The following SDK1 variants were observed in gnomAD, a reference collection of about 807,000 sequenced individuals.
SDK1 encodes the protein protein sidekick-1.
Under a neutral mutation model 245.5 loss-of-function variants are expected in SDK1, and 157 were observed. The ratio of observed to expected loss-of-function variants is 0.64; its 90% confidence interval spans 0.56 to 0.73. SDK1 has a LOEUF of 0.73. SDK1 is among the 30% of genes least tolerant of loss of function. SDK1 has a pLI of 0.00. For synonymous variants in SDK1, 1,647 were observed against 1,278.5 expected, an observed-to-expected ratio of 1.29 and a Z score of -6.15; for missense variants, 3,583 against 3,002.3, an observed-to-expected ratio of 1.19 and a Z score of -4.52.
At chr7:4,012,010 A>G in intron 15 of SDK1, 85 bp from the exon 16 acceptor site, 4 of 1,193,654 alleles carry the variant, frequency 3.4e-6, no homozygotes, top group Non-Finnish European at 4.4e-6. Context: ...CAGGCTCAAG[A>G]TTCAGCAAGA....
At chr7:3,663,244 AATG>A (rs1267336496) in intron 4 of SDK1, among the ~76,000 whole-genome samples, 4 of 152,248 alleles carry the variant, frequency 2.6e-5, no homozygotes, top group African/African-American at 9.6e-5. Context: ...TAAGATATAT[AATG>A]ATAATAGTAC....
At chr7:3,318,948 G>A (rs4316064) in intron 1 of SDK1, among the ~76,000 whole-genome samples, 84,382 of 151,900 alleles carry the variant, frequency 0.56, 23,598 homozygotes, top group African/African-American at 0.62. Context: ...CCTGGCAGAC[G>A]GGAATAAATG....
At chr7:3,921,628 C>T (rs531926310) in intron 5 of SDK1, among the ~76,000 whole-genome samples, 4 of 152,178 alleles carry the variant, frequency 2.6e-5, no homozygotes, top group South Asian at 2.1e-4. Flanking sequence ...AATCTAAAGG[C>T]GCCAAGAAGC....
At chr7:3,871,266 T>C (rs888498799) in intron 5 of SDK1, among the ~76,000 whole-genome samples, 2 of 152,226 alleles carry the variant, frequency 1.3e-5, no homozygotes, top group Non-Finnish European at 2.9e-5. Context: ...TATTGACCTT[T>C]TATCTCGCCA....
intron 35 of SDK1, among the ~76,000 whole-genome samples, chr7:4,200,612 C>T (rs1381238777): frequency 6.6e-6 from 1 of 152,166 alleles, no homozygotes; most frequent in African/African-American, 2.4e-5. Flanking sequence ...ACTTGAGTTC[C>T]TTGCCATGAA....
chr7:3,714,851 T>G (rs1395599282), intron 4 of SDK1, among the ~76,000 whole-genome samples: 1 of 152,204 alleles, frequency 6.6e-6, no homozygotes, highest in Non-Finnish European at 1.5e-5. Flanking sequence ...GAGGTTCTAA[T>G]TAAGTGCAAA....
intron 40 of SDK1, among the ~76,000 whole-genome samples, chr7:4,225,604 G>A (rs555236680): frequency 2.6e-5 from 4 of 152,238 alleles, no homozygotes; most frequent in South Asian, 4.1e-4. Flanking sequence ...CAGGACGCCT[G>A]TTGGTTACTG....
chr7:4,129,832 G>A, intron 26 of SDK1, 76 bp from the exon 27 acceptor site: 1 of 1,583,294 alleles, frequency 6.3e-7, no homozygotes, highest in South Asian at 1.1e-5. Context: ...ATTCACGAAG[G>A]GGGCCTGCCC....
intron 5 of SDK1, among the ~76,000 whole-genome samples, chr7:3,859,567 T>A (rs746908157): frequency 6.6e-6 from 1 of 152,194 alleles, no homozygotes; most frequent in Non-Finnish European, 1.5e-5. Flanking sequence ...CAAACCAAGA[T>A]GGCAGCTGGC....
At chr7:3,808,190 G>T (rs1262305231) in intron 4 of SDK1, among the ~76,000 whole-genome samples, 1 of 152,202 alleles carries the variant, frequency 6.6e-6, no homozygotes, top group Admixed American at 6.5e-5. Flanking sequence ...TGCCAGGCCC[G>T]TGGAACGTGC....
intron 1 of SDK1, among the ~76,000 whole-genome samples, chr7:3,561,531 G>C (rs1779750656): frequency 6.6e-6 from 1 of 152,176 alleles, no homozygotes; most frequent in South Asian, 2.1e-4. Context: ...CACCCCTAAG[G>C]TGGTGGTGGT....
intron 14 of SDK1, among the ~76,000 whole-genome samples, chr7:4,010,457 G>T (rs1785852473): frequency 6.6e-6 from 1 of 152,248 alleles, no homozygotes; most frequent in Admixed American, 6.5e-5. Flanking sequence ...CCACTCAAGG[G>T]TGTGGTGGTG....
At chr7:3,622,388 G>A (rs1266151011) in intron 2 of SDK1, among the ~76,000 whole-genome samples, 2 of 152,162 alleles carry the variant, frequency 1.3e-5, no homozygotes, top group African/African-American at 4.8e-5. Flanking sequence ...GGCTGAGGCA[G>A]GAGAATCGCT....
chr7:4,134,637 C>A (rs1778932398), intron 28 of SDK1: 1 of 152,476 alleles, frequency 6.6e-6, no homozygotes, highest in African/African-American at 2.4e-5. Context: ...AGCAGGCTCG[C>A]CCCAGCCCCA....
At chr7:3,876,695 T>C (rs1431481959) in intron 5 of SDK1, among the ~76,000 whole-genome samples, 1 of 152,202 alleles carries the variant, frequency 6.6e-6, no homozygotes, top group African/African-American at 2.4e-5. Flanking sequence ...AAGATGTTTT[T>C]GGAGAGGAAT....
At chr7:3,840,267 G>A (rs1440092981) in intron 5 of SDK1, among the ~76,000 whole-genome samples, 1 of 152,154 alleles carries the variant, frequency 6.6e-6, no homozygotes, top group Non-Finnish European at 1.5e-5. Context: ...AGCGGAAGAG[G>A]AGGGGGAGAA....
chr7:3,419,038 T>C lies in SDK1; in HGVS notation c.298+117154T>C, dbSNP rs73300393. Among the ~76,000 whole-genome samples the C allele has an allele frequency of 9.2e-3, 1,401 of 152,364 alleles. 28 individuals are homozygous for C. The highest frequency in any genetic ancestry group is 0.032 in the African/African-American group (1,321 of 41,592). ...TAACTCCTTTTTCCTGATTTAAAGA[T>C]GACATTTACATGGTTTTTGTGTCCC... On this transcript the variant is annotated intron_variant, in intron 1 of 44. Transcript: ENST00000404826.
At chr7:3,454,094 A>G (rs1392130236) in intron 1 of SDK1, among the ~76,000 whole-genome samples, 1 of 152,190 alleles carries the variant, frequency 6.6e-6, no homozygotes, top group Non-Finnish European at 1.5e-5. Context: ...TCCTATTCAC[A>G]GTACATCACC....
intron 1 of SDK1, among the ~76,000 whole-genome samples, chr7:3,458,589 A>G (rs1450632348): frequency 1.3e-5 from 2 of 151,850 alleles, no homozygotes; most frequent in Non-Finnish European, 2.9e-5. Flanking sequence ...AAGAAACAGA[A>G]CCATCTACAA....
Sources: allele counts gnomAD v4.1 joint callset (sites outside exome capture counted in the v4.1 genomes callset), GRCh38; gene constraint gnomAD v4.1.1; transcripts MANE v1.5; gene names NCBI Gene and HGNC (gene_info 2026-07-23, HGNC 2026-07-21).